The following HIVEP1 variants were observed in gnomAD, a reference collection of about 807,000 sequenced individuals.
HIVEP1 encodes the protein zinc finger protein 40.
A neutral mutation model predicts 180.0 loss-of-function variants in HIVEP1; 36 were observed. The ratio of observed to expected loss-of-function variants is 0.20; its 90% CI spans 0.15 to 0.26. The LOEUF (loss-of-function observed/expected upper bound fraction) is 0.26, where lower values mean the gene tolerates loss of function less well. Ranked by LOEUF, HIVEP1 falls within the 10% of genes least tolerant of loss-of-function variation. The pLI, the probability that HIVEP1 is intolerant of heterozygous loss-of-function variation, is 1.00. For missense variants in HIVEP1, 3,143 were observed against 3,268.7 expected, an observed-to-expected ratio of 0.96 and a Z score of 0.94; for synonymous variants, 1,239 against 1,239.0, an observed-to-expected ratio of 1.00 and a Z score of 0.00.
rs34364704 is a variant in HIVEP1, at chr6:12,041,420, T to TAAAA, written c.40+25773_40+25776dup. Among the ~76,000 whole-genome samples the TAAAA allele has an allele frequency of 1.7e-4, 9 of 52,254 alleles. 1 individual carries two copies. The highest frequency in any genetic ancestry group is 5.7e-4 in the East Asian group (1 of 1,744). The allele number at this position is 52,254 out of a possible 152,430, so 34.3% of individuals were successfully genotyped here. A position where few individuals can be genotyped will look rare whatever the true frequency, so the allele number is the denominator to read the frequency against. On this transcript the variant is annotated intron_variant, in intron 2 of 8. Transcript: ENST00000379388. Reference sequence around the variant, plus strand: ...CTGGGCGACAGAGCGAGACTCCGTCTAAAAAAAAAAAAAAAAAAAAAAAAG... The same window carrying TAAAA: ...CTGGGCGACAGAGCGAGACTCCGTCTAAAAAAAAAAAAAAAAAAAAAAAAAAAAG...
chr6:12,177,877 G>A, the HIVEP1 span, among the ~76,000 whole-genome samples: 49 of 152,236 alleles, frequency 3.2e-4, no homozygotes, highest in East Asian at 9.3e-3. Context: ...TACTTGTAAT[G>A]TAAAATATTT....
intron 2 of HIVEP1, among the ~76,000 whole-genome samples, chr6:12,064,480 G>T (rs1561903838): frequency 6.6e-6 from 1 of 152,112 alleles, no homozygotes; most frequent in Non-Finnish European, 1.5e-5. Flanking sequence ...AGTATTATAA[G>T]GTACTTTTTA....
chr6:12,111,555 T>A (rs996715753), intron 3 of HIVEP1, among the ~76,000 whole-genome samples: 1 of 152,256 alleles, frequency 6.6e-6, no homozygotes, highest in Non-Finnish European at 1.5e-5. Context: ...GTAGTCATCA[T>A]GTTCTTGTGA....
At chr6:12,017,268 T>C (rs1581495919) in intron 2 of HIVEP1, among the ~76,000 whole-genome samples, 1 of 152,218 alleles carries the variant, frequency 6.6e-6, no homozygotes, top group Non-Finnish European at 1.5e-5. Flanking sequence ...ACTTCAAGAA[T>C]GAAGCCACAG....
At chr6:12,114,884 C>T (rs1224558713) in intron 3 of HIVEP1, among the ~76,000 whole-genome samples, 1 of 152,198 alleles carries the variant, frequency 6.6e-6, no homozygotes, top group Non-Finnish European at 1.5e-5. Context: ...TGAATGGCCT[C>T]CTGGTCTGAT....
the HIVEP1 span, among the ~76,000 whole-genome samples, chr6:12,210,536 T>C: frequency 1.3e-5 from 2 of 152,118 alleles, no homozygotes; most frequent in East Asian, 3.9e-4. Flanking sequence ...TTTAAAAAAA[T>C]AGAAAAAAAT....
chr6:12,169,945 C>T (rs1055578294), downstream of HIVEP1, among the ~76,000 whole-genome samples: 6 of 151,846 alleles, frequency 4.0e-5, no homozygotes, highest in African/African-American at 1.5e-4. Flanking sequence ...ACAGCGAAAC[C>T]CTGTCTCTAC....
intron 2 of HIVEP1, among the ~76,000 whole-genome samples, chr6:12,023,728 G>T (rs148350404): frequency 7.2e-5 from 11 of 151,918 alleles, no homozygotes; most frequent in Non-Finnish European, 1.5e-4. Context: ...GCTTATTAAC[G>T]TTAGCCAAAT....
At chr6:12,017,298 T>C (rs535835638) in intron 2 of HIVEP1, among the ~76,000 whole-genome samples, 7 of 152,326 alleles carry the variant, frequency 4.6e-5, no homozygotes, top group Admixed American at 3.3e-4. Context: ...GTGAGTGTTA[T>C]AGCTCTTAAA....
At chr6:12,195,231 T>C in the HIVEP1 span, among the ~76,000 whole-genome samples, 1 of 152,264 alleles carries the variant, frequency 6.6e-6, no homozygotes, top group Non-Finnish European at 1.5e-5. Flanking sequence ...ACGAGTTCCC[T>C]GAGAGCATGG....
At chr6:12,117,580 T>C (rs1269186491) in intron 3 of HIVEP1, among the ~76,000 whole-genome samples, 1 of 152,194 alleles carries the variant, frequency 6.6e-6, no homozygotes, top group African/African-American at 2.4e-5. Flanking sequence ...ATTTTGCATT[T>C]TTCTTTGGAG....
At chr6:12,114,504 C>T (rs943318310) in intron 3 of HIVEP1, among the ~76,000 whole-genome samples, 6 of 152,068 alleles carry the variant, frequency 3.9e-5, no homozygotes, top group African/African-American at 1.5e-4. Flanking sequence ...CAGACCTCCC[C>T]TCTCCACAGC....
chr6:12,168,895 C>CGTT (rs754559882), downstream of HIVEP1, among the ~76,000 whole-genome samples: 1 of 151,918 alleles, frequency 6.6e-6, no homozygotes, highest in Non-Finnish European at 1.5e-5. Flanking sequence ...GCTTTTTTGT[C>CGTT]GTTGTTGTTG....
rs189729776 is a variant in HIVEP1 at position 12,112,042 on chromosome 6, A to G, written c.95-7848A>G. On this transcript the variant is annotated intron_variant, in intron 3 of 8. Transcript: ENST00000379388. ...TTGTCATTTTCAGAGCTCTTCATTT[A>G]TATGTATAGATCCACATTTAAGTTT... 4.6e-5 allele frequency among the ~76,000 whole-genome samples: 7 copies of G among 152,344 alleles called. No individual in the cohort carries two copies. The East Asian group carries it at 1.3e-3, about 29-fold the overall frequency.
At chr6:12,016,561 CATAAGGT>C (rs59606229) in intron 2 of HIVEP1, among the ~76,000 whole-genome samples, 6,762 of 152,136 alleles carry the variant, frequency 0.044, 192 homozygotes, top group Middle Eastern at 0.16. Context: ...GGCTAGTCAC[CATAAGGT>C]GATCTTTGAA....
At chr6:12,076,209 A>G (rs1347666802) in intron 2 of HIVEP1, among the ~76,000 whole-genome samples, 1 of 152,218 alleles carries the variant, frequency 6.6e-6, no homozygotes, top group Non-Finnish European at 1.5e-5. Context: ...TATTCTTTCA[A>G]TATCAGATTA....
the HIVEP1 span, among the ~76,000 whole-genome samples, chr6:12,184,780 A>C: frequency 1.3e-5 from 2 of 152,236 alleles, no homozygotes; most frequent in Non-Finnish European, 2.9e-5. Flanking sequence ...TCATTATGCA[A>C]TTGTCCCATA....
chr6:12,078,824 G>A (rs1772570134), intron 2 of HIVEP1, among the ~76,000 whole-genome samples: 3 of 151,982 alleles, frequency 2.0e-5, no homozygotes. Context: ...GAGCATGCCA[G>A]TGAGTTTGTT....
chr6:12,031,379 C>G (rs1472658813), intron 2 of HIVEP1, among the ~76,000 whole-genome samples: 1 of 152,142 alleles, frequency 6.6e-6, no homozygotes, highest in Non-Finnish European at 1.5e-5. Flanking sequence ...GAGAGTTTAC[C>G]CAGCACACTG....
Sources: allele counts gnomAD v4.1 joint callset (sites outside exome capture counted in the v4.1 genomes callset), GRCh38; gene constraint gnomAD v4.1.1; transcripts MANE v1.5; gene names NCBI Gene and HGNC (gene_info 2026-07-23, HGNC 2026-07-21).